Variants in FKBP5 observed in about 807,000 individuals in gnomAD.
The protein encoded by FKBP5 is peptidyl-prolyl cis-trans isomerase FKBP5.
FKBP5 carries 23 observed loss-of-function variants against 50.5 expected under a neutral mutation model. The ratio of observed to expected loss-of-function variants is 0.46; its 90% confidence interval spans 0.33 to 0.65. The LOEUF (loss-of-function observed/expected upper bound fraction) is 0.65, where lower values mean the gene tolerates loss of function less well. FKBP5 is among the 30% of genes least tolerant of loss of function. The probability of loss-of-function intolerance (pLI) is 0.02; values close to 1 mark genes in which losing one functional copy is unlikely to be tolerated. For missense variants in FKBP5, 411 were observed against 553.1 expected, an observed-to-expected ratio of 0.74 and a Z score of 2.58; for synonymous variants, 176 against 190.6, an observed-to-expected ratio of 0.92 and a Z score of 0.63.
chr6:35,696,646 A>G (rs1028656042), intron 2 of FKBP5, among the ~76,000 whole-genome samples: 1 of 152,216 alleles, frequency 6.6e-6, no homozygotes, highest in Non-Finnish European at 1.5e-5. Flanking sequence ...ATCTTTTGAT[A>G]TAATGCAATC....
chr6:35,636,077 T>C (rs1265485144), intron 3 of FKBP5, among the ~76,000 whole-genome samples: 2 of 152,240 alleles, frequency 1.3e-5, no homozygotes, highest in African/African-American at 2.4e-5. Flanking sequence ...ACACATGATC[T>C]TGTAACATCT....
At chr6:35,579,149 C>T (rs1302347185) in intron 9 of FKBP5, among the ~76,000 whole-genome samples, 3 of 148,524 alleles carry the variant, frequency 2.0e-5, no homozygotes, top group Non-Finnish European at 2.9e-5. Flanking sequence ...AACACACACA[C>T]GCGCGCGCGC....
At chr6:35,647,570 G>A (rs568851190) in intron 1 of FKBP5, among the ~76,000 whole-genome samples, 6 of 152,230 alleles carry the variant, frequency 3.9e-5, no homozygotes, top group Non-Finnish European at 7.3e-5. Context: ...ACTGTTAAGA[G>A]CAGCTCTTCC....
chr6:35,669,498 T>C (rs1765326098), intron 1 of FKBP5, among the ~76,000 whole-genome samples: 1 of 152,160 alleles, frequency 6.6e-6, no homozygotes, highest in Non-Finnish European at 1.5e-5. Flanking sequence ...TAAAGTATCA[T>C]ATATATGTTT....
intron 2 of FKBP5, among the ~76,000 whole-genome samples, chr6:35,697,544 T>C (rs578070308): frequency 2.0e-4 from 14 of 71,312 alleles, no homozygotes; most frequent in African/African-American, 9.8e-4. Context: ...TGAAACTCTG[T>C]CTCAAAAAAA....
At chr6:35,622,632 G>A (rs749242862) in intron 3 of FKBP5, among the ~76,000 whole-genome samples, 1 of 152,036 alleles carries the variant, frequency 6.6e-6, no homozygotes, top group Non-Finnish European at 1.5e-5. Context: ...CGTTTCTTTG[G>A]TATCCTACTG....
upstream of FKBP5, among the ~76,000 whole-genome samples, chr6:35,689,370 G>C (rs1765937695): frequency 6.6e-6 from 1 of 152,168 alleles, no homozygotes; most frequent in Admixed American, 6.5e-5. Flanking sequence ...GTTAGCCCTA[G>C]GAAGCAACCC....
At chr6:35,605,964 C>A (rs1196880491) in intron 5 of FKBP5, among the ~76,000 whole-genome samples, 1 of 152,134 alleles carries the variant, frequency 6.6e-6, no homozygotes. Flanking sequence ...CTATATAAAT[C>A]CTAGAAGAAA....
chr6:35,610,402 T>C (rs1414090430), intron 5 of FKBP5, among the ~76,000 whole-genome samples: 1 of 151,320 alleles, frequency 6.6e-6, no homozygotes, highest in Non-Finnish European at 1.5e-5. Context: ...CCGTCTCTAC[T>C]AAAAATACAA....
In FKBP5 at chr6:35,648,443, T is replaced by A. The variant is rs187470927; in HGVS notation, c.-19-5600A>T. Among the ~76,000 whole-genome samples the A allele has an allele frequency of 2.6e-5, 4 of 152,002 alleles. No homozygotes were observed. The East Asian group carries it at 7.7e-4, about 29-fold the overall frequency. On this transcript the variant is annotated intron_variant, in intron 1 of 10. Transcript: ENST00000357266. The stretch of plus-strand genomic sequence containing the variant: ...GCCACCACACCTAATGTTTTTTTTT[T>A]ATTATTTTTTTCAGAAGAGACAGGG...
intron 5 of FKBP5, among the ~76,000 whole-genome samples, chr6:35,608,988 G>C (rs1763413008): frequency 6.6e-6 from 1 of 152,042 alleles, no homozygotes; most frequent in Non-Finnish European, 1.5e-5. Flanking sequence ...ACTAGAGATG[G>C]GGTTTTGCCA....
At position 35,591,203 on chromosome 6, in the gene FKBP5, G is replaced by C; in HGVS notation, c.683C>G (p.Ala228Gly). The C allele has an allele frequency of 6.2e-7, 1 of 1,611,426 alleles. No individual in the cohort carries two copies. The highest frequency in any genetic ancestry group is 1.1e-5 in the South Asian group (1 of 90,776). The change falls in exon 7 of 11, where the codon GCA becomes GGA. Residue 228 changes from alanine to glycine, a missense_variant. Ala to Gly is a moderately conservative substitution (Grantham distance 60). Around this residue, in one of 3 missense-constraint regions of FKBP5, gnomAD observed 267 missense variants for 405.9 expected, o/e 0.66. Transcript: ENST00000357266. ...YLGPRYGFGE[A>G]GKPKFGIEPN... Reference sequence around the variant, plus strand: ...TTCAATGCCAAATTTAGGCTTCCCTGCCTCTCCAAAACCATATCTGAAATG... The same window carrying C: ...TTCAATGCCAAATTTAGGCTTCCCTCCCTCTCCAAAACCATATCTGAAATG...
chr6:35,623,236 C>T (rs1042541483), intron 3 of FKBP5, among the ~76,000 whole-genome samples: 5 of 152,244 alleles, frequency 3.3e-5, no homozygotes, highest in African/African-American at 9.6e-5. Flanking sequence ...AGCGAGACTC[C>T]GTCTCAAAAA....
Position 35,697,466 on chromosome 6 carries a change from G to T in FKBP5, c.-20+22862C>A, listed in dbSNP as rs1298749971. Among the ~76,000 whole-genome samples, 3 of 149,458 alleles carry T rather than the reference G, an allele frequency of 2.0e-5. No individual in the cohort carries two copies. The East Asian group carries it at 5.9e-4, about 29-fold the overall frequency. ...GGAAGCTGAGGCAGGAGAATCGCTT[G>T]AACCCAGGAGGTGGAGGTTGCAGTG... On this transcript the variant is annotated intron_variant, in intron 2 of 11. Coordinates refer to the FKBP5 transcript ENST00000536438.
intron 1 of FKBP5, among the ~76,000 whole-genome samples, chr6:35,681,804 G>A (rs1765667932): frequency 6.6e-6 from 1 of 152,068 alleles, no homozygotes; most frequent in Non-Finnish European, 1.5e-5. Flanking sequence ...TATATATAAT[G>A]TAAAAAAGAT....
chr6:35,701,240 GT>G (rs1561901928), intron 2 of FKBP5, among the ~76,000 whole-genome samples: 1 of 146,932 alleles, frequency 6.8e-6, no homozygotes, highest in Non-Finnish European at 1.5e-5. Flanking sequence ...TTTGTTTTTT[GT>G]TTTTTTGTTT....
chr6:35,658,456 A>G (rs1765019912), intron 1 of FKBP5, among the ~76,000 whole-genome samples: 1 of 152,084 alleles, frequency 6.6e-6, no homozygotes, highest in Admixed American at 6.5e-5. Flanking sequence ...CTTGTTCTAA[A>G]TATTATATAG....
chr6:35,581,705 G>GAAAC, intron 8 of FKBP5: 1 of 985,464 alleles, frequency 1.0e-6, no homozygotes. Flanking sequence ...TACGCAAATA[G>GAAAC]AAACAGGAGT....
chr6:35,678,601 G>A (rs1025278264), intron 1 of FKBP5, among the ~76,000 whole-genome samples: 2 of 152,020 alleles, frequency 1.3e-5, no homozygotes, highest in Admixed American at 1.3e-4. Context: ...GCTATGAATT[G>A]ACAAAAAGCA....
Sources: gnomAD v4.1 joint callset for allele counts (sites outside exome capture counted in the v4.1 genomes callset) on GRCh38, gnomAD v4.1.1 for gene constraint, gnomAD v4.1.1 regional missense constraint, MANE v1.5 for transcripts, NCBI Gene and HGNC (gene_info 2026-07-23, HGNC 2026-07-21) for gene names.